The following MEIS2 variants were observed in gnomAD, a reference collection of about 807,000 sequenced individuals.
MEIS2 encodes the protein homeobox protein Meis2.
Under a neutral mutation model 58.6 loss-of-function variants are expected in MEIS2, and 9 were observed. The ratio of observed to expected loss-of-function variants is 0.15; its 90% CI spans 0.09 to 0.27. The LOEUF is 0.27. Ranked by LOEUF, MEIS2 falls within the 10% of genes least tolerant of loss-of-function variation. MEIS2 has a pLI of 1.00. For synonymous variants in MEIS2, 221 were observed against 228.4 expected (o/e 0.97, Z 0.29); for missense variants, 427 against 635.0 (o/e 0.67, Z 3.52).
intron 8 of MEIS2, among the ~76,000 whole-genome samples, chr15:37,021,788 G>A (rs1291916382): frequency 6.6e-6 from 1 of 152,028 alleles, no homozygotes; most frequent in African/African-American, 2.4e-5. Context: ...AAGTAAAAAT[G>A]TCACCTAGAT....
At chr15:37,049,786 CTT>C (rs1038583509) in intron 7 of MEIS2, among the ~76,000 whole-genome samples, 8 of 141,844 alleles carry the variant, frequency 5.6e-5, no homozygotes, top group Admixed American at 7.1e-5. Context: ...CGCAGCTGGC[CTT>C]TTTTTTTTTT....
intron 9 of MEIS2, among the ~76,000 whole-genome samples, chr15:36,923,870 A>G (rs2057626707): frequency 6.6e-6 from 1 of 152,172 alleles, no homozygotes; most frequent in Non-Finnish European, 1.5e-5. Flanking sequence ...CCCTCCATAC[A>G]GGTTTGGCTG....
intron 8 of MEIS2, among the ~76,000 whole-genome samples, chr15:36,983,442 A>T (rs2059995003): frequency 6.6e-6 from 1 of 152,084 alleles, no homozygotes; most frequent in African/African-American, 2.4e-5. Flanking sequence ...CTTGTTGAGG[A>T]TTAATTGACT....
At chr15:37,100,972 T>C (rs1381646923), upstream of MEIS2, 16 of 152,010 alleles carry the variant, frequency 1.1e-4, no homozygotes, top group Admixed American at 1.0e-3. Flanking sequence ...CTCTAGCTTT[T>C]GTTCCTTTTA....
chr15:37,005,444 G>T (rs925268468), intron 8 of MEIS2, among the ~76,000 whole-genome samples: 4 of 152,148 alleles, frequency 2.6e-5, no homozygotes, highest in African/African-American at 9.7e-5. Context: ...AGGTGTGGTG[G>T]CAGCAACACC....
chr15:36,989,386 G>A (rs576578876), intron 8 of MEIS2, among the ~76,000 whole-genome samples: 4 of 152,134 alleles, frequency 2.6e-5, no homozygotes, highest in African/African-American at 7.2e-5. Context: ...GACAGTATTC[G>A]CGTTTGAAAA....
At chr15:37,006,119 C>G (rs1200573658) in intron 8 of MEIS2, among the ~76,000 whole-genome samples, 1 of 152,178 alleles carries the variant, frequency 6.6e-6, no homozygotes, top group Non-Finnish European at 1.5e-5. Flanking sequence ...ATAAATCTTG[C>G]CTGTGCATAA....
At chr15:37,093,510 A>G in intron 6 of MEIS2, 71 bp downstream of exon 6, 1 of 1,551,618 alleles carries the variant, frequency 6.4e-7, no homozygotes, top group Non-Finnish European at 8.8e-7. Context: ...GTGGAGCTAG[A>G]TGTTAAAACA....
At chr15:36,975,517 T>C (rs1288475054) in intron 8 of MEIS2, among the ~76,000 whole-genome samples, 6 of 131,256 alleles carry the variant, frequency 4.6e-5, no homozygotes, top group Non-Finnish European at 8.1e-5. Flanking sequence ...ACGTCTACCA[T>C]GTGCTAAGCG....
intron 7 of MEIS2, among the ~76,000 whole-genome samples, chr15:37,070,015 A>C (rs1223093816): frequency 6.6e-6 from 1 of 152,150 alleles, no homozygotes; most frequent in Non-Finnish European, 1.5e-5. Flanking sequence ...CTTAAAAAAA[A>C]ATGCATCAAG....
chr15:37,096,204 C>T (rs1894223484), intron 3 of MEIS2, 85 bp downstream of exon 3: 5 of 1,420,436 alleles, frequency 3.5e-6, no homozygotes, highest in Non-Finnish European at 3.8e-6. Context: ...TGTCCCTGGC[C>T]TTTCCTCCTT....
intron 8 of MEIS2, 145 bp from the exon 9 acceptor site, chr15:36,950,545 T>C (rs775132623): frequency 1.0e-4 from 78 of 749,732 alleles, no homozygotes; most frequent in Non-Finnish European, 1.6e-4. Flanking sequence ...TGTTGAGAAA[T>C]GTGGGCAGGG....
At position 37,099,542 on chromosome 15, in the gene MEIS2, T is replaced by C; in HGVS notation, c.-76A>G. 1 of 1,574,474 alleles carries C rather than the reference T, an allele frequency of 6.4e-7. No individual in the cohort carries two copies. ...GTCCGGATAAGAAAGTGATCTAGGC[T>C]GAAGATTCCTTTTTTTTTTTTCCAA... On this transcript the variant is annotated 5_prime_UTR_variant, in exon 1 of 12. Transcript: ENST00000561208.
chr15:37,060,823 C>G (rs941973098), intron 7 of MEIS2, among the ~76,000 whole-genome samples: 1 of 151,876 alleles, frequency 6.6e-6, no homozygotes, highest in African/African-American at 2.4e-5. Context: ...TAGAGAATGG[C>G]CCTAAAAATA....
At chr15:37,099,364 A>C (rs1164626842) in intron 1 of MEIS2, 91 bp downstream of exon 1, 1 of 1,577,522 alleles carries the variant, frequency 6.3e-7, no homozygotes, top group African/African-American at 1.4e-5. Context: ...AGCGAGCAGC[A>C]GCAGAAGCGT....
At chr15:37,089,656 C>T (rs1474088723) in intron 6 of MEIS2, among the ~76,000 whole-genome samples, 4 of 152,254 alleles carry the variant, frequency 2.6e-5, no homozygotes, top group East Asian at 3.9e-4. Flanking sequence ...CTTTCCTCTA[C>T]TGAATTCTTT....
chr15:36,979,159 C>T (rs2141498817), intron 8 of MEIS2, among the ~76,000 whole-genome samples: 1 of 152,082 alleles, frequency 6.6e-6, no homozygotes, highest in African/African-American at 2.4e-5. Context: ...AGGTCTCAGT[C>T]AAAACACAGT....
At chr15:36,968,161 C>T (rs1308284483) in intron 8 of MEIS2, among the ~76,000 whole-genome samples, 3 of 152,126 alleles carry the variant, frequency 2.0e-5, no homozygotes, top group East Asian at 1.9e-4. Context: ...GTCGAAGCAG[C>T]GTAACAAATC....
chr15:36,997,944 C>T (rs1240879558), intron 8 of MEIS2, among the ~76,000 whole-genome samples: 1 of 152,198 alleles, frequency 6.6e-6, no homozygotes, highest in Non-Finnish European at 1.5e-5. Context: ...TGGCCCTGCA[C>T]CTTCACTGAT....
Sources: allele counts gnomAD v4.1 joint callset (sites outside exome capture counted in the v4.1 genomes callset), GRCh38; gene constraint gnomAD v4.1.1; transcripts MANE v1.5; gene names NCBI Gene and HGNC (gene_info 2026-07-23, HGNC 2026-07-21).